Variants in TACR3 observed in about 807,000 individuals in gnomAD.
The protein encoded by TACR3 is tachykinin receptor 3, also known as neuromedin-K receptor.
A neutral mutation model predicts 35.0 loss-of-function variants in TACR3; 34 were observed. The ratio of observed to expected loss-of-function variants is 0.97; its 90% CI spans 0.74 to 1.30. The LOEUF is 1.30. Among genes scored for constraint, TACR3 ranks in the 50% most tolerant of loss-of-function variants. The pLI is 0.00. For missense variants in TACR3, 558 were observed against 591.7 expected, an observed-to-expected ratio of 0.94 and a Z score of 0.59; for synonymous variants, 233 against 221.1, an observed-to-expected ratio of 1.05 and a Z score of -0.48.
chr4:103,708,386 T>C (rs1416598306), intron 1 of TACR3, among the ~76,000 whole-genome samples: 1 of 152,170 alleles, frequency 6.6e-6, no homozygotes, highest in Admixed American at 6.5e-5. Context: ...GCTGATACCC[T>C]GGCAAACAGG....
intron 1 of TACR3, among the ~76,000 whole-genome samples, chr4:103,690,650 C>T (rs1455251082): frequency 6.6e-6 from 1 of 152,066 alleles, no homozygotes; most frequent in Admixed American, 6.6e-5. Context: ...TTATAGAATA[C>T]TCAATCTAAT....
At chr4:103,717,310 G>C (rs1723110719) in intron 1 of TACR3, among the ~76,000 whole-genome samples, 1 of 151,874 alleles carries the variant, frequency 6.6e-6, no homozygotes, top group African/African-American at 2.4e-5. Flanking sequence ...CTCGAACTGA[G>C]TATGCTTCAG....
chr4:103,635,876 A>C (rs544323772), intron 3 of TACR3, among the ~76,000 whole-genome samples: 74 of 152,040 alleles, frequency 4.9e-4, no homozygotes, highest in African/African-American at 1.8e-3. Flanking sequence ...AGCAGTCCTG[A>C]ATTTCAATTC....
At chr4:103,643,405 CAG>C (rs1432884517) in intron 3 of TACR3, among the ~76,000 whole-genome samples, 1 of 147,912 alleles carries the variant, frequency 6.8e-6, no homozygotes, top group Non-Finnish European at 1.5e-5. Flanking sequence ...AGTCTGGCGA[CAG>C]AGTGAGACAT....
chr4:103,690,290 G>A (rs1167620857), intron 1 of TACR3, among the ~76,000 whole-genome samples: 1 of 152,028 alleles, frequency 6.6e-6, no homozygotes, highest in African/African-American at 2.4e-5. Flanking sequence ...CAACAGAAAA[G>A]CTTTGAATGT....
intron 3 of TACR3, among the ~76,000 whole-genome samples, chr4:103,648,605 C>A (rs1406743482): frequency 6.6e-6 from 1 of 152,050 alleles, no homozygotes; most frequent in Non-Finnish European, 1.5e-5. Context: ...CATGTTGTTG[C>A]AAGTGAAAGA....
chr4:103,640,021 G>A (rs928607048), intron 3 of TACR3, among the ~76,000 whole-genome samples: 2 of 151,902 alleles, frequency 1.3e-5, no homozygotes, highest in African/African-American at 4.8e-5. Flanking sequence ...GTGAAGATTG[G>A]ATTTGCATAT....
intron 3 of TACR3, among the ~76,000 whole-genome samples, chr4:103,598,668 A>G (rs1724104780): frequency 6.6e-6 from 1 of 152,194 alleles, no homozygotes; most frequent in Non-Finnish European, 1.5e-5. Context: ...AGCTTTCTAC[A>G]TATGGCTAGC....
Position 103,588,623 on chromosome 4 carries a change from C to T in TACR3, c.*1059G>A, listed in dbSNP as rs1723827886. On this transcript the variant is annotated 3_prime_UTR_variant, in exon 5 of 5. Coordinates refer to ENST00000304883, the MANE Select transcript of TACR3 (RefSeq NM_001059.3). ...TGTTATTAGTTTACATGTATCCAAACTATTGTGCAGATTCGTTTTCTAAGA... is the reference window on the plus strand; with the variant it reads ...TGTTATTAGTTTACATGTATCCAAATTATTGTGCAGATTCGTTTTCTAAGA... 2 of 152,076 alleles carry T rather than the reference C, an allele frequency of 1.3e-5. No homozygotes were observed. 9.4% of individuals were successfully genotyped at this position (152,076 alleles called of 1,614,324 possible). A position where few individuals can be genotyped will look rare whatever the true frequency, so the allele number is the denominator to read the frequency against.
chr4:103,682,578 G>A (rs528562698), intron 1 of TACR3, among the ~76,000 whole-genome samples: 65 of 152,188 alleles, frequency 4.3e-4, no homozygotes, highest in African/African-American at 1.5e-3. Flanking sequence ...GACACATAGG[G>A]ATTATGGGGA....
intron 1 of TACR3, among the ~76,000 whole-genome samples, chr4:103,716,277 G>T (rs1723089529): frequency 1.3e-5 from 2 of 151,464 alleles, no homozygotes; most frequent in East Asian, 1.9e-4. Flanking sequence ...GGGGTGAGGA[G>T]ACAGGTACTG....
chr4:103,682,616 G>T (rs1200896461), intron 1 of TACR3, among the ~76,000 whole-genome samples: 1 of 152,030 alleles, frequency 6.6e-6, no homozygotes, highest in East Asian at 1.9e-4. Context: ...ATTTGGGTGG[G>T]GACACAGAGC....
chr4:103,668,813 C>A (rs1440678958), intron 1 of TACR3, among the ~76,000 whole-genome samples: 1 of 149,130 alleles, frequency 6.7e-6, no homozygotes, highest in Non-Finnish European at 1.5e-5. Flanking sequence ...TGTACCACTG[C>A]ACTCTGACCT....
At chr4:103,672,858 T>G (rs1355304645) in intron 1 of TACR3, among the ~76,000 whole-genome samples, 1 of 152,204 alleles carries the variant, frequency 6.6e-6, no homozygotes, top group Non-Finnish European at 1.5e-5. Flanking sequence ...AAATCTGTTC[T>G]TTAATATAGC....
At chr4:103,711,484 G>A (rs551058455) in intron 1 of TACR3, among the ~76,000 whole-genome samples, 2 of 152,112 alleles carry the variant, frequency 1.3e-5, no homozygotes, top group African/African-American at 2.4e-5. Flanking sequence ...GGTATTAATG[G>A]GATGTATCTC....
chr4:103,594,389 G>A (rs920859561), intron 3 of TACR3, among the ~76,000 whole-genome samples: 2 of 151,998 alleles, frequency 1.3e-5, no homozygotes, highest in Non-Finnish European at 2.9e-5. Context: ...TAGTGGCCAG[G>A]CTTGTCTCAA....
intron 1 of TACR3, among the ~76,000 whole-genome samples, chr4:103,701,681 G>C: frequency 6.6e-6 from 1 of 152,044 alleles, no homozygotes; most frequent in East Asian, 1.9e-4. Context: ...AAAACAGCAT[G>C]GTACTGGTAC....
chr4:103,600,719 C>T (rs180715602), intron 3 of TACR3, among the ~76,000 whole-genome samples: 3 of 152,048 alleles, frequency 2.0e-5, no homozygotes, highest in Non-Finnish European at 4.4e-5. Context: ...CATTATTTAC[C>T]CAGTAGTCAT....
At chr4:103,592,919 G>A (rs1482712644) in intron 3 of TACR3, among the ~76,000 whole-genome samples, 1 of 152,132 alleles carries the variant, frequency 6.6e-6, no homozygotes, top group Non-Finnish European at 1.5e-5. Context: ...CCATCCAGGT[G>A]GCCAGCATTG....
Sources: gnomAD v4.1 joint callset for allele counts (sites outside exome capture counted in the v4.1 genomes callset) on GRCh38, gnomAD v4.1.1 for gene constraint, MANE v1.5 for transcripts, NCBI Gene and HGNC (gene_info 2026-07-23, HGNC 2026-07-21) for gene names.